FMN1: variants seen among roughly 807,000 people sequenced by gnomAD.
FMN1 encodes the protein formin 1.
Under a neutral mutation model 132.4 loss-of-function variants are expected in FMN1, and 110 were observed. The observed-to-expected ratio is 0.83, with a 90% CI of 0.71 to 0.97. FMN1 has a LOEUF of 0.97. Among genes scored for constraint, FMN1 ranks in the 50% least tolerant of loss-of-function variants. The pLI, the probability that FMN1 is intolerant of heterozygous loss-of-function variation, is 0.00. For missense variants in FMN1, 1,792 were observed against 1,705.3 expected (o/e 1.05, Z -0.90); for synonymous variants, 722 against 651.7 (o/e 1.11, Z -1.64).
intron 4 of FMN1, among the ~76,000 whole-genome samples, chr15:33,106,424 T>TAA (rs773947826): frequency 6.6e-6 from 1 of 152,026 alleles, no homozygotes; most frequent in Non-Finnish European, 1.5e-5. Flanking sequence ...CAAAAGTGTA[T>TAA]AAACATCATT....
At chr15:33,006,164 T>A (rs1007534691) in intron 7 of FMN1, among the ~76,000 whole-genome samples, 1 of 152,084 alleles carries the variant, frequency 6.6e-6, no homozygotes, top group African/African-American at 2.4e-5. Flanking sequence ...GGGGTTAATA[T>A]ACAAAAAATA....
chr15:32,877,690 C>T (rs1312286188), intron 16 of FMN1, among the ~76,000 whole-genome samples: 1 of 152,182 alleles, frequency 6.6e-6, no homozygotes, highest in Non-Finnish European at 1.5e-5. Flanking sequence ...GTGAGGAACC[C>T]ACTACTGCTC....
At chr15:32,975,934 A>G (rs1011648935) in intron 7 of FMN1, among the ~76,000 whole-genome samples, 2 of 152,088 alleles carry the variant, frequency 1.3e-5, no homozygotes, top group Non-Finnish European at 2.9e-5. Flanking sequence ...GAAGGAACAC[A>G]CTGTACTAAA....
Position 33,008,054 on chromosome 15 carries a change from T to G in FMN1, c.2183A>C (p.His728Pro). The change falls in exon 7 of 21, where the codon CAC (histidine) becomes CCC (proline). Residue 728 changes from histidine (H) to proline (P), a missense_variant. This residue lies in a region of FMN1 where 1,150 missense variants were observed against 1,043.1 expected (regional missense o/e 1.10). Transcript: ENST00000616417. ...TEAEYQAAIL[H>P]LKREHKEEIE... Reference sequence around the variant, plus strand: ...TTCTTCTTTGTGCTCCCTCTTCAAGTGTAAAATAGCAGCTTGGTATTCTGT... The same window carrying G: ...TTCTTCTTTGTGCTCCCTCTTCAAGGGTAAAATAGCAGCTTGGTATTCTGT... 1 of 1,599,732 alleles carries G rather than the reference T, an allele frequency of 6.3e-7. No individual in the cohort carries two copies. Among genetic ancestry groups the G allele is most frequent in the Non-Finnish European group, 8.5e-7 (1 of 1,172,206 alleles).
intron 4 of FMN1, among the ~76,000 whole-genome samples, chr15:33,099,504 G>C (rs140044376): frequency 6.6e-6 from 1 of 152,134 alleles, no homozygotes; most frequent in Non-Finnish European, 1.5e-5. Flanking sequence ...TCTTTTGAGA[G>C]CTATCAAGAT....
At chr15:33,051,801 A>C (rs1180145525) in intron 6 of FMN1, among the ~76,000 whole-genome samples, 1 of 152,184 alleles carries the variant, frequency 6.6e-6, no homozygotes, top group East Asian at 1.9e-4. Flanking sequence ...AGCCCACTCC[A>C]AGGGAGGAAT....
At chr15:33,185,568 A>ATTTTTTTTTT (rs57232200) in intron 2 of FMN1, among the ~76,000 whole-genome samples, 1,989 of 113,214 alleles carry the variant, frequency 0.018, 98 homozygotes, top group African/African-American at 0.044. Flanking sequence ...TAAAGTAAGA[A>ATTTTTTTTTT]TTTTTTTTTT....
chr15:32,892,367 T>C (rs2060052454), intron 15 of FMN1, among the ~76,000 whole-genome samples: 1 of 152,248 alleles, frequency 6.6e-6, no homozygotes, highest in African/African-American at 2.4e-5. Flanking sequence ...ATTTATTAAC[T>C]TGCGTATGTT....
intron 4 of FMN1, among the ~76,000 whole-genome samples, chr15:33,142,152 A>G (rs1486965880): frequency 3.3e-5 from 5 of 152,162 alleles, no homozygotes; most frequent in African/African-American, 1.2e-4. Context: ...CAGACTCTAT[A>G]AAGTACAGAA....
chr15:33,005,786 A>G (rs955716157), intron 7 of FMN1, among the ~76,000 whole-genome samples: 6 of 152,172 alleles, frequency 3.9e-5, no homozygotes, highest in Admixed American at 3.3e-4. Flanking sequence ...TGTGTCTTAA[A>G]TTATCCCCTA....
chr15:32,795,997 A>G (rs2057277672), intron 19 of FMN1, among the ~76,000 whole-genome samples: 1 of 152,158 alleles, frequency 6.6e-6, no homozygotes, highest in Non-Finnish European at 1.5e-5. Context: ...CCAGTTTAAT[A>G]AGATTATTGT....
At chr15:32,774,852 A>G (rs1304964999) in intron 20 of FMN1, among the ~76,000 whole-genome samples, 1 of 152,176 alleles carries the variant, frequency 6.6e-6, no homozygotes, top group Non-Finnish European at 1.5e-5. Context: ...GAAGTTCCCG[A>G]TTTGCCATGG....
chr15:32,979,528 C>G (rs7169768), intron 7 of FMN1, among the ~76,000 whole-genome samples: 14,311 of 143,728 alleles, frequency 0.1, 862 homozygotes, highest in Middle Eastern at 0.14. Flanking sequence ...TGCACTGCAG[C>G]CTGCGCAACA....
intron 9 of FMN1, among the ~76,000 whole-genome samples, chr15:32,962,703 A>C (rs888183795): frequency 6.7e-6 from 1 of 149,052 alleles, no homozygotes; most frequent in African/African-American, 2.5e-5. Context: ...GACACTTCTC[A>C]AAAGAAGACA....
intron 6 of FMN1, among the ~76,000 whole-genome samples, chr15:33,056,795 A>G (rs1187397738): frequency 1.3e-5 from 2 of 152,254 alleles, no homozygotes; most frequent in African/African-American, 4.8e-5. Flanking sequence ...CTACAGGTAC[A>G]TGTAGCAACA....
chr15:33,062,681 A>G (rs966788197), intron 6 of FMN1: 5 of 152,190 alleles, frequency 3.3e-5, no homozygotes, highest in African/African-American at 4.8e-5. Context: ...TTCAAATTCT[A>G]TTTTTATTTT....
rs186275311 is a variant in FMN1 at position 32,835,413 on chromosome 15, A to G, written c.3928+21602T>C. On this transcript the variant is annotated intron_variant, in intron 17 of 20. Coordinates refer to ENST00000616417, the MANE Select transcript of FMN1 (RefSeq NM_001277313.2). ...CACCAACCAGGTTTCTGCTGCCGGA[A>G]GCCGGGAAAATACTGGATATTCTTT... 3.2e-4 allele frequency among the ~76,000 whole-genome samples: 49 copies of G among 152,322 alleles called. 1 individual carries two copies. The highest frequency in any genetic ancestry group is 3.1e-3 in the Admixed American group (47 of 15,304).
intron 7 of FMN1, among the ~76,000 whole-genome samples, chr15:32,996,401 T>C (rs1357947522): frequency 1.3e-5 from 2 of 152,218 alleles, no homozygotes; most frequent in Admixed American, 6.5e-5. Flanking sequence ...TGCTTCAGCA[T>C]GTTCTGATTC....
rs117814043 is a variant in FMN1 at position 32,914,523 on chromosome 15, C to A, written c.3227-3988G>T. ...AAACCTTGTAGAATTTTGAATGCCA[C>A]GATGAACCTGTAATACACTTGTTAT... On this transcript the variant is annotated intron_variant, in intron 10 of 20. Transcript: ENST00000616417. Among the ~76,000 whole-genome samples the A allele has an allele frequency of 3.6e-4, 55 of 152,224 alleles. 1 individual carries two copies. The East Asian group carries it at 8.7e-3, about 24-fold the overall frequency.
Sources: gnomAD v4.1 joint callset for allele counts (sites outside exome capture counted in the v4.1 genomes callset) on GRCh38, gnomAD v4.1.1 for gene constraint, gnomAD v4.1.1 regional missense constraint, MANE v1.5 for transcripts, NCBI Gene and HGNC (gene_info 2026-07-23, HGNC 2026-07-21) for gene names.